The following CACNA2D3 variants were observed in gnomAD, a reference collection of about 807,000 sequenced individuals.
CACNA2D3 encodes the protein voltage-dependent calcium channel subunit alpha-2/delta-3.
A neutral mutation model predicts 160.6 loss-of-function variants in CACNA2D3; 60 were observed. The observed-to-expected ratio is 0.37, with a 90% CI of 0.30 to 0.46. CACNA2D3 has a LOEUF of 0.46. CACNA2D3 is among the 20% of genes least tolerant of loss of function. The pLI, the probability that CACNA2D3 is intolerant of heterozygous loss-of-function variation, is 1.00. For missense variants in CACNA2D3, 1,205 were observed against 1,365.0 expected, an observed-to-expected ratio of 0.88 and a Z score of 1.85; for synonymous variants, 558 against 492.9, an observed-to-expected ratio of 1.13 and a Z score of -1.75.
intron 2 of CACNA2D3, among the ~76,000 whole-genome samples, chr3:54,126,615 G>A (rs777021334): frequency 6.6e-6 from 1 of 152,172 alleles, no homozygotes; most frequent in Admixed American, 6.5e-5. Context: ...ATAAAACGCA[G>A]TAAGCCATCT....
At chr3:54,740,177 C>G (rs1477643427) in intron 11 of CACNA2D3, among the ~76,000 whole-genome samples, 4 of 152,102 alleles carry the variant, frequency 2.6e-5, no homozygotes, top group Admixed American at 6.5e-5. Context: ...TTTGAGCCCT[C>G]TGCTTGAGCC....
intron 35 of CACNA2D3, among the ~76,000 whole-genome samples, chr3:55,050,429 G>A (rs918376411): frequency 9.3e-5 from 14 of 151,102 alleles, no homozygotes; most frequent in African/African-American, 3.2e-4. Flanking sequence ...TTGAATATTG[G>A]CCCCCACTCT....
chr3:54,508,071 G>A (rs1006429222), intron 5 of CACNA2D3, among the ~76,000 whole-genome samples: 2 of 152,214 alleles, frequency 1.3e-5, no homozygotes, highest in African/African-American at 4.8e-5. Flanking sequence ...CCAAGACTGA[G>A]GGAGCTTGTT....
intron 13 of CACNA2D3, among the ~76,000 whole-genome samples, chr3:54,809,407 T>C (rs201518153): frequency 4.5e-5 from 6 of 134,784 alleles, no homozygotes; most frequent in East Asian, 2.2e-4. Flanking sequence ...CAAGCTCCGC[T>C]TCCCGGGTTC....
intron 3 of CACNA2D3, among the ~76,000 whole-genome samples, chr3:54,352,643 C>T (rs556237226): frequency 6.6e-6 from 1 of 152,316 alleles, no homozygotes; most frequent in African/African-American, 2.4e-5. Context: ...CTGGATGGCA[C>T]AAAGCCCCCG....
At chr3:54,257,229 G>A (rs147524128) in intron 2 of CACNA2D3, among the ~76,000 whole-genome samples, 1 of 152,110 alleles carries the variant, frequency 6.6e-6, no homozygotes, top group Non-Finnish European at 1.5e-5. Flanking sequence ...ATTGTTTTAC[G>A]ATGGTAGCCA....
At chr3:55,015,812 A>C (rs974792139) in intron 34 of CACNA2D3, among the ~76,000 whole-genome samples, 1 of 152,120 alleles carries the variant, frequency 6.6e-6, no homozygotes, top group Non-Finnish European at 1.5e-5. Flanking sequence ...AGGTGTTAGA[A>C]ACTCCCTGCT....
At chr3:54,782,406 T>G (rs975426498) in intron 13 of CACNA2D3, among the ~76,000 whole-genome samples, 1 of 152,210 alleles carries the variant, frequency 6.6e-6, no homozygotes, top group African/African-American at 2.4e-5. Flanking sequence ...ATGCCACGCC[T>G]ATATCAAGTG....
intron 11 of CACNA2D3, among the ~76,000 whole-genome samples, chr3:54,750,629 A>T (rs138332222): frequency 5.3e-5 from 8 of 152,244 alleles, no homozygotes; most frequent in Non-Finnish European, 1.2e-4. Context: ...GAAGCAAAAC[A>T]CTTAACTGGG....
intron 4 of CACNA2D3, among the ~76,000 whole-genome samples, chr3:54,463,287 G>T (rs953081641): frequency 6.6e-6 from 1 of 152,032 alleles, no homozygotes; most frequent in African/African-American, 2.4e-5. Context: ...TATCTTTGTG[G>T]CATTCTCTGT....
At chr3:54,345,833 C>CTT (rs58643454) in intron 3 of CACNA2D3, among the ~76,000 whole-genome samples, 3,604 of 141,422 alleles carry the variant, frequency 0.025, 131 homozygotes, top group African/African-American at 0.084. Context: ...TCTTGATGCT[C>CTT]TTTTTTTTTT....
chr3:54,769,405 T>C (rs1702278662), intron 13 of CACNA2D3, among the ~76,000 whole-genome samples: 1 of 152,190 alleles, frequency 6.6e-6, no homozygotes, highest in Non-Finnish European at 1.5e-5. Context: ...TTGATAGCTC[T>C]GGATTTTTTT....
At chr3:54,212,733 G>A (rs1049422083) in intron 2 of CACNA2D3, among the ~76,000 whole-genome samples, 1 of 152,112 alleles carries the variant, frequency 6.6e-6, no homozygotes, top group Non-Finnish European at 1.5e-5. Context: ...TAGATGGTTG[G>A]GGGTGGGAAT....
chr3:54,996,244 T>C (rs1702856777), intron 31 of CACNA2D3, among the ~76,000 whole-genome samples: 1 of 152,254 alleles, frequency 6.6e-6, no homozygotes, highest in Non-Finnish European at 1.5e-5. Flanking sequence ...CTGCTTCAAA[T>C]GGGTTTTGCA....
At chr3:54,695,411 A>G (rs1296687192) in intron 11 of CACNA2D3, among the ~76,000 whole-genome samples, 3 of 150,866 alleles carry the variant, frequency 2.0e-5, no homozygotes, top group African/African-American at 7.3e-5. Context: ...TTTTTAAACC[A>G]TCATCTTTGT....
chr3:54,891,047 G>T (rs1700053798), intron 24 of CACNA2D3, among the ~76,000 whole-genome samples: 1 of 152,150 alleles, frequency 6.6e-6, no homozygotes, highest in Admixed American at 6.5e-5. Flanking sequence ...CCAGAACCTT[G>T]AAATAAAGAT....
rs545236310 is a variant in CACNA2D3, at chr3:54,123,364, C to T, written c.123-149C>T. 4.3e-5 allele frequency: 28 copies of T among 652,222 alleles called. No homozygotes were observed. In the South Asian group the frequency reaches 5.5e-4, roughly 13 times the overall value. The allele number at this position is 652,222 out of a possible 1,614,324, so 40.4% of individuals were successfully genotyped here. On this transcript the variant is annotated intron_variant, in intron 1 of 37. Transcript: ENST00000474759. Reference sequence around the variant, plus strand: ...GCAGTTTTGGTGCTGGCAGTTTCTACCAAGCCGCTTTTTCTATCTTTTCTT... The same window carrying T: ...GCAGTTTTGGTGCTGGCAGTTTCTATCAAGCCGCTTTTTCTATCTTTTCTT...
At chr3:54,208,765 A>G (rs1701319205) in intron 2 of CACNA2D3, among the ~76,000 whole-genome samples, 1 of 150,856 alleles carries the variant, frequency 6.6e-6, no homozygotes, top group Non-Finnish European at 1.5e-5. Flanking sequence ...TTCAATTATC[A>G]CAATGTATTT....
intron 5 of CACNA2D3, among the ~76,000 whole-genome samples, chr3:54,549,713 G>A (rs1156725971): frequency 6.6e-6 from 1 of 152,198 alleles, no homozygotes; most frequent in Non-Finnish European, 1.5e-5. Flanking sequence ...ATCCGTGACA[G>A]CTCCTTAATT....
Sources: allele counts gnomAD v4.1 joint callset (sites outside exome capture counted in the v4.1 genomes callset), GRCh38; gene constraint gnomAD v4.1.1; transcripts MANE v1.5; gene names NCBI Gene and HGNC (gene_info 2026-07-23, HGNC 2026-07-21).